The following MAP3K20 variants were observed in gnomAD, a reference collection of about 807,000 sequenced individuals.
MAP3K20 encodes HCCS-4.
Under a neutral mutation model 85.7 loss-of-function variants are expected in MAP3K20, and 40 were observed. The observed-to-expected ratio is 0.47, with a 90% CI of 0.36 to 0.61. The LOEUF is 0.61. Among genes scored for constraint, MAP3K20 ranks in the 20% least tolerant of loss-of-function variants. The pLI, the probability that MAP3K20 is intolerant of heterozygous loss-of-function variation, is 0.00. For missense variants in MAP3K20, 817 were observed against 961.7 expected (o/e 0.85, Z 1.99); for synonymous variants, 325 against 327.7 (o/e 0.99, Z 0.09).
In MAP3K20 at chr2:173,190,908, T is replaced by A. The variant is rs1246578465; in HGVS notation, c.429T>A (p.Ala143=). ...TTCTTTTTTTAGTTGTTATAGCTGC[T>A]GATGGAGTATTGAAGGTAGGACTAT... ...DLKSRNVVIA[A]DGVLKICDFG... The change falls in exon 6 of 20, where the codon GCT becomes GCA. Residue 143 remains alanine, a synonymous_variant. Transcript: ENST00000375213. 1 of 1,598,262 alleles carries A rather than the reference T, an allele frequency of 6.3e-7. No homozygotes were observed. Among genetic ancestry groups the A allele is most frequent in the Non-Finnish European group, 8.6e-7 (1 of 1,168,806 alleles).
At chr2:173,237,039 T>G (rs1684669632) in intron 14 of MAP3K20, among the ~76,000 whole-genome samples, 1 of 143,712 alleles carries the variant, frequency 7.0e-6, no homozygotes, top group Non-Finnish European at 1.5e-5. Context: ...TTTTTTTTTT[T>G]TTTTTGAGCT....
intron 2 of MAP3K20, among the ~76,000 whole-genome samples, chr2:173,117,326 T>C (rs1688153707): frequency 6.6e-6 from 1 of 152,196 alleles, no homozygotes; most frequent in Non-Finnish European, 1.5e-5. Flanking sequence ...TTGCCCAGGC[T>C]GGAGTGCAGT....
At chr2:173,229,544 A>G in intron 11 of MAP3K20, 145 bp from the exon 12 acceptor site, 1 of 937,048 alleles carries the variant, frequency 1.1e-6, no homozygotes, top group Non-Finnish European at 1.6e-6. Context: ...AAGGTCAGGA[A>G]AACTGTTTTC....
At chr2:173,225,802 T>C (rs1684371751) in intron 11 of MAP3K20, 2 of 985,090 alleles carry the variant, frequency 2.0e-6, no homozygotes, top group South Asian at 9.4e-5. Context: ...TAAATCACCA[T>C]TTCCCTAAAA....
At chr2:173,182,167 T>C (rs1472851887) in intron 3 of MAP3K20, among the ~76,000 whole-genome samples, 1 of 152,132 alleles carries the variant, frequency 6.6e-6, no homozygotes, top group Non-Finnish European at 1.5e-5. Flanking sequence ...ATATGAACTA[T>C]CCAGAAAAGG....
At chr2:173,165,735 A>G (rs1219267599) in intron 2 of MAP3K20, among the ~76,000 whole-genome samples, 3 of 152,212 alleles carry the variant, frequency 2.0e-5, no homozygotes, top group Non-Finnish European at 2.9e-5. Context: ...GCAGTGGCAC[A>G]GTCACAACTC....
At chr2:173,219,881 G>A (rs753331820) in intron 11 of MAP3K20, among the ~76,000 whole-genome samples, 1 of 151,946 alleles carries the variant, frequency 6.6e-6, no homozygotes, top group Non-Finnish European at 1.5e-5. Flanking sequence ...AGCCTGGACA[G>A]CATAGTGAAA....
At chr2:173,173,154 CTGTGTGTGTGTGTGTGTGTGTG>C (rs57836780) in intron 3 of MAP3K20, among the ~76,000 whole-genome samples, 3,520 of 138,608 alleles carry the variant, frequency 0.025, 119 homozygotes, top group Admixed American at 0.1. Flanking sequence ...TCTTTTATTT[CTGTGTGTGTGTGTGTGTGTGTG>C]TGTGTGTGTG....
intron 18 of MAP3K20, among the ~76,000 whole-genome samples, chr2:173,261,756 C>A (rs968584418): frequency 6.6e-6 from 1 of 152,194 alleles, no homozygotes; most frequent in Admixed American, 6.5e-5. Context: ...GTGGCTCACA[C>A]CTGTAATCTC....
intron 2 of MAP3K20, among the ~76,000 whole-genome samples, chr2:173,148,488 G>T (rs1229298252): frequency 2.0e-5 from 3 of 152,192 alleles, no homozygotes; most frequent in African/African-American, 7.2e-5. Flanking sequence ...GATGAGTGGT[G>T]TGAGTAGAAT....
intron 16 of MAP3K20, 47 bp downstream of exon 16, chr2:173,239,543 C>CT (rs1559295125): frequency 1.9e-6 from 3 of 1,547,266 alleles, no homozygotes; most frequent in Admixed American, 1.8e-5. Flanking sequence ...TCGAACTACT[C>CT]TTTTTTCTCT....
intron 16 of MAP3K20, among the ~76,000 whole-genome samples, chr2:173,253,261 T>C (rs971416850): frequency 2.0e-5 from 3 of 152,218 alleles, no homozygotes; most frequent in Admixed American, 2.0e-4. Flanking sequence ...TTGGTAATAA[T>C]GATAATTATT....
intron 3 of MAP3K20, among the ~76,000 whole-genome samples, chr2:173,178,504 C>T (rs1683631111): frequency 1.3e-5 from 2 of 152,002 alleles, no homozygotes; most frequent in Admixed American, 6.6e-5. Context: ...ATTAGCCAGG[C>T]ATGGTGGCAC....
chr2:173,087,243 G>A (rs1687168574), intron 1 of MAP3K20, among the ~76,000 whole-genome samples: 1 of 152,216 alleles, frequency 6.6e-6, no homozygotes, highest in South Asian at 2.1e-4. Flanking sequence ...GAAAGGTGCT[G>A]TGGCACATGA....
Position 173,075,974 on chromosome 2 carries a change from C to G in MAP3K20, c.-63C>G, listed in dbSNP as rs1259898835. On this transcript the variant is annotated 5_prime_UTR_variant, in exon 1 of 20. Transcript: ENST00000375213. ...GCGCGCGGGGCCTCCGCGCCCCCGG[C>G]TGCTGCTCACGCCCCGCCCGGGAGC... 8.1e-6 allele frequency: 8 copies of G among 984,924 alleles called. No individual in the cohort carries two copies. Among genetic ancestry groups the G allele is most frequent in the Non-Finnish European group, 8.4e-6 (7 of 829,822 alleles). 61.0% of individuals were successfully genotyped at this position (984,924 alleles called of 1,614,324 possible).
At chr2:173,095,583 A>G (rs1367316493) in intron 2 of MAP3K20, among the ~76,000 whole-genome samples, 1 of 152,224 alleles carries the variant, frequency 6.6e-6, no homozygotes, top group Non-Finnish European at 1.5e-5. Flanking sequence ...AGCAAAATGT[A>G]TCAAGAATCT....
chr2:173,099,544 C>A (rs1045855407), intron 2 of MAP3K20, among the ~76,000 whole-genome samples: 2 of 151,956 alleles, frequency 1.3e-5, no homozygotes, highest in Non-Finnish European at 2.9e-5. Flanking sequence ...TCCAACTGTT[C>A]TTCTGCATTA....
Position 173,075,945 on chromosome 2 carries a change from C to G in MAP3K20, c.-92C>G, listed in dbSNP as rs1284343831. 2 of 985,050 alleles carry G rather than the reference C, an allele frequency of 2.0e-6. No homozygotes were observed. The highest frequency in any genetic ancestry group is 2.4e-6 in the Non-Finnish European group (2 of 829,922). 61.0% of individuals were successfully genotyped at this position (985,050 alleles called of 1,614,324 possible). On this transcript the variant is annotated 5_prime_UTR_variant, in exon 1 of 20. Coordinates refer to ENST00000375213, the MANE Select transcript of MAP3K20 (RefSeq NM_016653.3). ...CTGTCGTCCCAACCCCCGCCGCCCT[C>G]GTCGCGCGCGGGGCCTCCGCGCCCC...
At position 173,217,262 on chromosome 2, in the gene MAP3K20, C is replaced by G; in HGVS notation, c.987+12C>G. On this transcript the variant is annotated intron_variant, in intron 11 of 19. Coordinates refer to ENST00000375213, the MANE Select transcript of MAP3K20 (RefSeq NM_016653.3). ...AGTCCAACACCCCGGTGAGTACCCT[C>G]CCCCTTCGCCGTCTTTCCACATGCG... 6.5e-7 allele frequency: 1 copy of G among 1,534,464 alleles called. No homozygotes were observed. Among genetic ancestry groups the G allele is most frequent in the Non-Finnish European group, 8.8e-7 (1 of 1,139,516 alleles).
Sources: allele counts gnomAD v4.1 joint callset (sites outside exome capture counted in the v4.1 genomes callset), GRCh38; gene constraint gnomAD v4.1.1; transcripts MANE v1.5; gene names NCBI Gene and HGNC (gene_info 2026-07-23, HGNC 2026-07-21).